The following GALNTL6 variants were observed in gnomAD, a reference collection of about 807,000 sequenced individuals.
GALNTL6 encodes polypeptide N-acetylgalactosaminyltransferase-like 6.
In GALNTL6, 46 loss-of-function variants were observed where a neutral mutation model predicts 73.7. The observed-to-expected ratio is 0.62, with a 90% CI of 0.49 to 0.80. The LOEUF is 0.80. GALNTL6 is among the 30% of genes least tolerant of loss of function. The pLI, the probability that GALNTL6 is intolerant of heterozygous loss-of-function variation, is 0.00. For missense variants in GALNTL6, 604 were observed against 755.0 expected, an observed-to-expected ratio of 0.80 and a Z score of 2.34; for synonymous variants, 259 against 263.7, an observed-to-expected ratio of 0.98 and a Z score of 0.17.
chr4:172,539,878 TATA>T (rs1561128635), intron 5 of GALNTL6, among the ~76,000 whole-genome samples: 10 of 5,274 alleles, frequency 1.9e-3, no homozygotes, highest in Non-Finnish European at 3.4e-3. Flanking sequence ...CATATGATTA[TATA>T]TATATATATA....
At chr4:172,538,285 C>T (rs2110865721) in intron 5 of GALNTL6, among the ~76,000 whole-genome samples, 1 of 151,906 alleles carries the variant, frequency 6.6e-6, no homozygotes, top group African/African-American at 2.4e-5. Flanking sequence ...ATGGTGAAAC[C>T]CTGTCTATAC....
intron 5 of GALNTL6, among the ~76,000 whole-genome samples, chr4:172,690,502 C>T (rs1733202421): frequency 6.6e-6 from 1 of 151,996 alleles, no homozygotes; most frequent in Non-Finnish European, 1.5e-5. Flanking sequence ...AAACATACAA[C>T]AATAAAAAAC....
intron 5 of GALNTL6, among the ~76,000 whole-genome samples, chr4:172,523,246 C>A (rs1197221539): frequency 6.6e-6 from 1 of 152,184 alleles, no homozygotes; most frequent in Non-Finnish European, 1.5e-5. Context: ...ATCCTTAAAC[C>A]TGAGCAGACA....
chr4:172,107,707 A>G (rs1732717951), intron 2 of GALNTL6, among the ~76,000 whole-genome samples: 1 of 150,132 alleles, frequency 6.7e-6, no homozygotes, highest in African/African-American at 2.4e-5. Flanking sequence ...GGATAGCATT[A>G]GGAGATATAC....
chr4:172,823,871 A>T (rs4696029), intron 7 of GALNTL6, among the ~76,000 whole-genome samples: 42,750 of 152,042 alleles, frequency 0.28, 8,434 homozygotes, highest in African/African-American at 0.55. Flanking sequence ...GGGGGCCAGG[A>T]GATGATATTG....
chr4:172,845,216 C>CAA (rs11336973), intron 7 of GALNTL6, among the ~76,000 whole-genome samples: 29 of 91,066 alleles, frequency 3.2e-4, no homozygotes, highest in African/African-American at 8.5e-4. Flanking sequence ...GTCTCTGTCT[C>CAA]AAAAAAAAAA....
chr4:172,113,473 T>C (rs909665590), intron 2 of GALNTL6, among the ~76,000 whole-genome samples: 2 of 152,046 alleles, frequency 1.3e-5, no homozygotes, highest in Non-Finnish European at 2.9e-5. Context: ...TCTTTTTCTA[T>C]AGACAGTACA....
intron 3 of GALNTL6, among the ~76,000 whole-genome samples, chr4:172,276,603 G>A (rs1325108670): frequency 6.6e-6 from 1 of 152,030 alleles, no homozygotes; most frequent in Non-Finnish European, 1.5e-5. Context: ...GTGATAAAGA[G>A]GAAACGAAAA....
chr4:171,938,579 A>G (rs1738425143), intron 2 of GALNTL6, among the ~76,000 whole-genome samples: 1 of 152,196 alleles, frequency 6.6e-6, no homozygotes, highest in Admixed American at 6.5e-5. Flanking sequence ...TGTTGAATAA[A>G]TATAACCTGC....
At chr4:171,929,874 A>G (rs151207465) in intron 2 of GALNTL6, among the ~76,000 whole-genome samples, 1 of 152,286 alleles carries the variant, frequency 6.6e-6, no homozygotes, top group Non-Finnish European at 1.5e-5. Flanking sequence ...CGCGAGACAG[A>G]GCTGTCTGGT....
At chr4:172,337,279 T>C (rs1362478685) in intron 4 of GALNTL6, among the ~76,000 whole-genome samples, 1 of 152,174 alleles carries the variant, frequency 6.6e-6, no homozygotes, top group Non-Finnish European at 1.5e-5. Flanking sequence ...TTACACCATG[T>C]ACATTCAAGG....
At chr4:172,283,999 T>G (rs2111085189) in intron 3 of GALNTL6, among the ~76,000 whole-genome samples, 1 of 152,266 alleles carries the variant, frequency 6.6e-6, no homozygotes, top group East Asian at 1.9e-4. Context: ...ACCAGCCCCT[T>G]TTTCTTGACT....
chr4:172,147,160 G>A (rs976017047), intron 2 of GALNTL6, among the ~76,000 whole-genome samples: 2 of 152,102 alleles, frequency 1.3e-5, no homozygotes, highest in African/African-American at 4.8e-5. Flanking sequence ...TTATTAAGAT[G>A]TTAGCCTACC....
intron 4 of GALNTL6, among the ~76,000 whole-genome samples, chr4:172,343,203 T>G (rs1339723763): frequency 6.6e-6 from 1 of 152,190 alleles, no homozygotes; most frequent in East Asian, 1.9e-4. Context: ...CAGAATGATC[T>G]AAAGATTGAA....
At position 172,245,961 on chromosome 4, in the gene GALNTL6, T is replaced by A. The variant is rs529157692; in HGVS notation, c.247+16197T>A. Among the ~76,000 whole-genome samples the A allele has an allele frequency of 6.6e-5, 10 of 152,242 alleles. No individual in the cohort carries two copies. The East Asian group carries it at 1.9e-3, about 29-fold the overall frequency. On this transcript the variant is annotated intron_variant, in intron 3 of 12. Transcript: ENST00000506823. ...AACTGTTCCTTCTGAGACTCTGCAA[T>A]CACAAAAATATAACATAGAGCATCC...
At chr4:172,540,393 CTG>C (rs1430572874) in intron 5 of GALNTL6, among the ~76,000 whole-genome samples, 2 of 152,066 alleles carry the variant, frequency 1.3e-5, no homozygotes, top group African/African-American at 2.4e-5. Context: ...ATAGTAAACA[CTG>C]TGCTGTTGTT....
chr4:173,002,980 G>A lies in GALNTL6; in HGVS notation c.1372-6198G>A, dbSNP rs560016221. On this transcript the variant is annotated intron_variant, in intron 10 of 12. Transcript: ENST00000506823. ...AGTACCAGGGGTTGGGGGAGAAGGGGAAGTAGGGAGTTATTGCTTAATGAT... is the reference window on the plus strand; with the variant it reads ...AGTACCAGGGGTTGGGGGAGAAGGGAAAGTAGGGAGTTATTGCTTAATGAT... 8.5e-5 allele frequency among the ~76,000 whole-genome samples: 13 copies of A among 152,256 alleles called. No homozygotes were observed. The South Asian group carries it at 2.7e-3, about 32-fold the overall frequency.
At chr4:172,341,869 A>T (rs1741579053) in intron 4 of GALNTL6, among the ~76,000 whole-genome samples, 1 of 152,214 alleles carries the variant, frequency 6.6e-6, no homozygotes, top group Non-Finnish European at 1.5e-5. Context: ...ATACAGTTGA[A>T]TCAAGTAGAA....
At chr4:172,239,816 G>T (rs1454701442) in intron 3 of GALNTL6, among the ~76,000 whole-genome samples, 1 of 152,114 alleles carries the variant, frequency 6.6e-6, no homozygotes, top group Non-Finnish European at 1.5e-5. Flanking sequence ...CTGATTTTGA[G>T]AGGTGAGTTC....
Sources: allele counts gnomAD v4.1 joint callset (sites outside exome capture counted in the v4.1 genomes callset), GRCh38; gene constraint gnomAD v4.1.1; transcripts MANE v1.5; gene names NCBI Gene and HGNC (gene_info 2026-07-23, HGNC 2026-07-21).